The following NHSL2 variants were observed in gnomAD, a reference collection of about 807,000 sequenced individuals.
NHSL2 encodes the protein NHS-like protein 2.
In NHSL2, 27 loss-of-function variants were observed where a neutral mutation model predicts 53.4. The ratio of observed to expected loss-of-function variants is 0.51; its 90% CI spans 0.37 to 0.70. The LOEUF (loss-of-function observed/expected upper bound fraction) is 0.70. NHSL2 is among the 30% of genes least tolerant of loss of function. The pLI, the probability that NHSL2 is intolerant of heterozygous loss-of-function variation, is 0.00. For missense variants in NHSL2, 892 were observed against 980.1 expected, an observed-to-expected ratio of 0.91 and a Z score of 1.20; for synonymous variants, 408 against 404.1, an observed-to-expected ratio of 1.01 and a Z score of -0.12.
intron 1 of NHSL2, among the ~76,000 whole-genome samples, chrX:72,110,924 G>A (rs1040350893): frequency 9.0e-6 from 1 of 110,569 alleles, no homozygotes; most frequent in African/African-American, 3.3e-5. Flanking sequence ...TGGCTACCAA[G>A]CCCTTGCTGC....
intron 1 of NHSL2, among the ~76,000 whole-genome samples, chrX:72,121,845 A>G (rs925456277): frequency 2.7e-5 from 3 of 112,090 alleles, no homozygotes; most frequent in African/African-American, 9.7e-5. Flanking sequence ...CAAATTAGGA[A>G]TGTAAGTGAC....
chrX:71,974,946 A>C (rs2041941832), intron 1 of NHSL2, among the ~76,000 whole-genome samples: 1 of 112,016 alleles, frequency 8.9e-6, no homozygotes, highest in Admixed American at 9.4e-5. Context: ...TCAATGGAAT[A>C]GTCAATTTTA....
At chrX:72,049,255 AATG>A (rs2042326138) in intron 1 of NHSL2, among the ~76,000 whole-genome samples, 1 of 111,464 alleles carries the variant, frequency 9.0e-6, no homozygotes, top group African/African-American at 3.3e-5. Context: ...GGGGCTGCAG[AATG>A]ATGAGAGACT....
At chrX:72,080,678 T>TTCCATCTCATTCAA (rs758500444) in intron 1 of NHSL2, among the ~76,000 whole-genome samples, 6 of 110,133 alleles carry the variant, frequency 5.4e-5, no homozygotes, top group Admixed American at 1.9e-4. Flanking sequence ...TGGTAGAAAA[T>TTCCATCTCATTCAA]TCCATCTCAT....
At chrX:71,936,825 G>A (rs1054623491) in intron 1 of NHSL2, among the ~76,000 whole-genome samples, 2 of 111,265 alleles carry the variant, frequency 1.8e-5, no homozygotes, top group African/African-American at 3.3e-5. Flanking sequence ...TGGGTCAGTG[G>A]TATGGGTCAG....
At chrX:72,038,122 T>TC (rs1288599922) in intron 1 of NHSL2, among the ~76,000 whole-genome samples, 1 of 112,028 alleles carries the variant, frequency 8.9e-6, no homozygotes, top group Admixed American at 9.4e-5. Flanking sequence ...TTTGGACAAG[T>TC]CACTTTGCTT....
intron 1 of NHSL2, among the ~76,000 whole-genome samples, chrX:71,974,806 C>G (rs1332196245): frequency 1.8e-5 from 2 of 111,879 alleles, no homozygotes; most frequent in African/African-American, 3.3e-5. Flanking sequence ...TGAACAATAG[C>G]AAGGCTGTGG....
intron 1 of NHSL2, among the ~76,000 whole-genome samples, chrX:72,039,672 C>A (rs749757002): frequency 2.1e-4 from 23 of 111,895 alleles, no homozygotes; most frequent in African/African-American, 7.5e-4. Flanking sequence ...CAGCCAGAGA[C>A]CCCATGATAC....
chrX:71,969,924 A>G (rs1434665551), intron 1 of NHSL2, among the ~76,000 whole-genome samples: 3 of 111,902 alleles, frequency 2.7e-5, no homozygotes, highest in Non-Finnish European at 3.8e-5. Context: ...AGATGCATTT[A>G]TCAGGTTGGG....
In NHSL2 at chrX:72,144,253, G is replaced by GCCCCCCCCTCCCCCCCCCCC; in HGVS notation, c.*686_*687insCTCCCCCCCCCCCCCCCCCC. ...GATAAGTTTCAATAAACATATAGAC[G>GCCCCCCCCTCCCCCCCCCCC]CCCCCCCACCCACCCCCATTAGCTA... is the stretch of plus-strand genomic sequence containing the variant. On this transcript the variant is annotated 3_prime_UTR_variant, in exon 8 of 8. Transcript: ENST00000633930. 1.1e-5 allele frequency: 1 copy of GCCCCCCCCTCCCCCCCCCCC among 92,273 alleles called. No homozygotes were observed. Among genetic ancestry groups the GCCCCCCCCTCCCCCCCCCCC allele is most frequent in the Non-Finnish European group, 2.1e-5 (1 of 47,832 alleles). The allele number at this position is 92,273 out of a possible 1,213,427, so 7.6% of individuals were successfully genotyped here.
At chrX:72,134,824 C>A in intron 4 of NHSL2, 120 bp downstream of exon 4, 1 of 550,317 alleles carries the variant, frequency 1.8e-6, no homozygotes, top group Non-Finnish European at 2.9e-6. Flanking sequence ...GCTCACCTTG[C>A]GCTGTCACGG....
chrX:72,023,332 C>T (rs1020797256), intron 1 of NHSL2, among the ~76,000 whole-genome samples: 16 of 112,492 alleles, frequency 1.4e-4, no homozygotes, highest in Non-Finnish European at 3.8e-5. Context: ...ATCAGGCTGG[C>T]GGATGCTGGA....
At chrX:72,001,956 G>C (rs1205341646) in intron 1 of NHSL2, among the ~76,000 whole-genome samples, 1 of 112,888 alleles carries the variant, frequency 8.9e-6, no homozygotes. Context: ...TGGCTGGTGA[G>C]CCAAATAATA....
intron 1 of NHSL2, among the ~76,000 whole-genome samples, chrX:71,991,848 C>CTCTCTG (rs776360819): frequency 3.5e-4 from 38 of 108,853 alleles, no homozygotes; most frequent in African/African-American, 1.2e-3. Context: ...CTCTCTCTCT[C>CTCTCTG]TCTGTCTTTG....
intron 1 of NHSL2, among the ~76,000 whole-genome samples, chrX:72,093,979 A>G (rs770676690): frequency 9.1e-6 from 1 of 110,159 alleles, no homozygotes; most frequent in Non-Finnish European, 1.9e-5. Context: ...ACGGGGTTTC[A>G]CCATGTTGGC....
intron 1 of NHSL2, among the ~76,000 whole-genome samples, chrX:72,040,171 A>G (rs1381693011): frequency 9.0e-6 from 1 of 111,662 alleles, no homozygotes; most frequent in Non-Finnish European, 1.9e-5. Flanking sequence ...GTAACAGGAG[A>G]CACTCCTGTT....
At chrX:72,012,275 A>ATT (rs145334004) in intron 1 of NHSL2, among the ~76,000 whole-genome samples, 3 of 108,137 alleles carry the variant, frequency 2.8e-5, no homozygotes, top group South Asian at 3.8e-4. Flanking sequence ...CATTTTGTTG[A>ATT]TTTTTTTTTT....
Position 71,956,725 on chromosome X carries a change from C to T in NHSL2, c.280+45358C>T, listed in dbSNP as rs752982355. Among the ~76,000 whole-genome samples the T allele has an allele frequency of 7.2e-5, 8 of 111,160 alleles. No homozygotes were observed. The East Asian group carries it at 1.7e-3, about 23-fold the overall frequency. On this transcript the variant is annotated intron_variant, in intron 1 of 7. Transcript: ENST00000633930. Reference sequence around the variant, plus strand: ...AACAGGCTAAGAAAGAAGAGAAGATCGGCTCAAAGTTACACAGCCAACACG... The same window carrying T: ...AACAGGCTAAGAAAGAAGAGAAGATTGGCTCAAAGTTACACAGCCAACACG...
In NHSL2 at chrX:71,947,137, C is replaced by A. The variant is rs960148694; in HGVS notation, c.280+35770C>A. 2.1e-4 allele frequency among the ~76,000 whole-genome samples: 24 copies of A among 111,983 alleles called. 1 individual carries two copies. The highest frequency in any genetic ancestry group is 2.6e-4 in the Non-Finnish European group (14 of 53,167). On this transcript the variant is annotated intron_variant, in intron 1 of 7. Coordinates refer to ENST00000633930, the MANE Select transcript of NHSL2 (RefSeq NM_001013627.3). ...TGTCTGCTGCTCCTGCCCCTCTCCT[C>A]CCTTCCATTCTGGCAAAATTGAACA...
Sources: gnomAD v4.1 joint callset for allele counts (sites outside exome capture counted in the v4.1 genomes callset) on GRCh38, gnomAD v4.1.1 for gene constraint, MANE v1.5 for transcripts, NCBI Gene and HGNC (gene_info 2026-07-23, HGNC 2026-07-21) for gene names.